Variants in MDGA2 observed in about 807,000 individuals in gnomAD.
MDGA2 encodes MAM domain containing glycosylphosphatidylinositol anchor 2.
MDGA2 carries 40 observed loss-of-function variants against 117.8 expected under a neutral mutation model. The ratio of observed to expected loss-of-function variants is 0.34; its 90% CI spans 0.26 to 0.44. MDGA2 has a LOEUF of 0.44. Among genes scored for constraint, MDGA2 ranks in the 20% least tolerant of loss-of-function variants. The probability of loss-of-function intolerance (pLI) is 1.00; values close to 1 mark genes in which losing one functional copy is unlikely to be tolerated. For missense variants in MDGA2, 1,123 were observed against 1,250.6 expected (o/e 0.90, Z 1.54); for synonymous variants, 452 against 439.0 (o/e 1.03, Z -0.37).
chr14:46,864,572 T>TTTTTTTTTTTTTTA (rs1881660333), intron 14 of MDGA2, among the ~76,000 whole-genome samples: 1 of 89,420 alleles, frequency 1.1e-5, no homozygotes, highest in Non-Finnish European at 2.3e-5. Flanking sequence ...TTTTTTTTTT[T>TTTTTTTTTTTTTTA]ACAAATTAAA....
At chr14:47,617,538 T>C (rs907013278) in intron 1 of MDGA2, among the ~76,000 whole-genome samples, 1 of 152,156 alleles carries the variant, frequency 6.6e-6, no homozygotes, top group Non-Finnish European at 1.5e-5. Context: ...CTGGTGAGCT[T>C]GCATGCTGCT....
chr14:47,342,626 A>G (rs1003662462), intron 1 of MDGA2, among the ~76,000 whole-genome samples: 23 of 152,178 alleles, frequency 1.5e-4, no homozygotes, highest in African/African-American at 5.5e-4. Context: ...TATTTTACTA[A>G]GAAGAATTCC....
At chr14:47,194,694 A>T (rs1410157458) in intron 3 of MDGA2, among the ~76,000 whole-genome samples, 1 of 152,110 alleles carries the variant, frequency 6.6e-6, no homozygotes, top group Non-Finnish European at 1.5e-5. Context: ...TCACAGAGAT[A>T]TGATGCTTTA....
intron 1 of MDGA2, among the ~76,000 whole-genome samples, chr14:47,515,409 T>C (rs1274288493): frequency 6.6e-6 from 1 of 152,210 alleles, no homozygotes; most frequent in Admixed American, 6.6e-5. Flanking sequence ...GTGTCGCATG[T>C]TGACATCACT....
chr14:47,338,814 T>G (rs1890535152), intron 1 of MDGA2, among the ~76,000 whole-genome samples: 1 of 152,120 alleles, frequency 6.6e-6, no homozygotes, highest in South Asian at 2.1e-4. Context: ...CTCTGAAATA[T>G]TTGCAAGTAT....
intron 5 of MDGA2, among the ~76,000 whole-genome samples, chr14:47,112,146 G>C (rs1047206818): frequency 6.8e-6 from 1 of 146,574 alleles, no homozygotes; most frequent in Non-Finnish European, 1.5e-5. Context: ...AGCGGGAGAG[G>C]AAAGAAAGAT....
intron 10 of MDGA2, among the ~76,000 whole-genome samples, chr14:46,893,756 T>C (rs1882972838): frequency 6.6e-6 from 1 of 152,102 alleles, no homozygotes; most frequent in Admixed American, 6.6e-5. Flanking sequence ...ATTAAAAATG[T>C]AATCATAGAG....
intron 1 of MDGA2, among the ~76,000 whole-genome samples, chr14:47,582,563 T>C (rs1434650607): frequency 6.6e-6 from 1 of 151,892 alleles, no homozygotes; most frequent in Non-Finnish European, 1.5e-5. Flanking sequence ...ATTATAATAT[T>C]TTGTATTTTC....
At chr14:47,036,270 CAAAAAA>C (rs11310113) in intron 7 of MDGA2, among the ~76,000 whole-genome samples, 44 of 74,454 alleles carry the variant, frequency 5.9e-4, no homozygotes, top group Admixed American at 3.0e-3. Context: ...ACTCTGTCTC[CAAAAAA>C]AAAAAAAAAA....
At chr14:46,846,179 G>A (rs1462035563) in intron 15 of MDGA2, among the ~76,000 whole-genome samples, 1 of 152,010 alleles carries the variant, frequency 6.6e-6, no homozygotes, top group Non-Finnish European at 1.5e-5. Flanking sequence ...TTAAGGATAA[G>A]AAAAAATGTT....
chr14:47,566,918 CT>C (rs1895930224), intron 1 of MDGA2, among the ~76,000 whole-genome samples: 1 of 139,546 alleles, frequency 7.2e-6, no homozygotes, highest in Non-Finnish European at 1.6e-5. Context: ...TTTTTTTTTT[CT>C]TTTTTTTGAG....
At chr14:47,018,876 A>G (rs1233107455) in intron 8 of MDGA2, among the ~76,000 whole-genome samples, 1 of 151,986 alleles carries the variant, frequency 6.6e-6, no homozygotes, top group Non-Finnish European at 1.5e-5. Flanking sequence ...CACACCAGAC[A>G]CATATGGCTG....
intron 5 of MDGA2, among the ~76,000 whole-genome samples, chr14:47,113,332 A>AC (rs1350537888): frequency 1.3e-5 from 2 of 151,998 alleles, no homozygotes; most frequent in Non-Finnish European, 2.9e-5. Context: ...AACAACAACA[A>AC]AAAAGGCCCA....
At chr14:47,609,430 T>TATATATATATATACATATATATAC (rs1304798211) in intron 1 of MDGA2, among the ~76,000 whole-genome samples, 1 of 57,982 alleles carries the variant, frequency 1.7e-5, no homozygotes, top group African/African-American at 7.1e-5. Flanking sequence ...TATTCCATCA[T>TATATATATATATACATATATATAC]ATATATATAT....
chr14:47,430,201 G>A (rs905401049), intron 1 of MDGA2, among the ~76,000 whole-genome samples: 1 of 151,950 alleles, frequency 6.6e-6, no homozygotes, highest in Non-Finnish European at 1.5e-5. Flanking sequence ...ATTTGTGAAA[G>A]ACCCTTTCCC....
At chr14:47,121,895 T>A (rs534979663) in intron 5 of MDGA2, among the ~76,000 whole-genome samples, 1 of 152,130 alleles carries the variant, frequency 6.6e-6, no homozygotes, top group South Asian at 2.1e-4. Context: ...AGAAATAACT[T>A]GTCAGTTAAT....
At chr14:47,207,041 C>G (rs1355382770) in intron 3 of MDGA2, among the ~76,000 whole-genome samples, 1 of 152,030 alleles carries the variant, frequency 6.6e-6, no homozygotes, top group East Asian at 1.9e-4. Context: ...GTCTCCAGTG[C>G]CCTTGAGTAA....
Position 47,049,569 on chromosome 14 carries a change from C to A in MDGA2, c.1525+11680G>T, listed in dbSNP as rs192903026. Among the ~76,000 whole-genome samples the A allele has an allele frequency of 1.0e-3, 154 of 151,766 alleles. 1 individual carries two copies. Among genetic ancestry groups the A allele is most frequent in the Non-Finnish European group, 2.0e-3 (133 of 67,900 alleles). On this transcript the variant is annotated intron_variant, in intron 7 of 16. Transcript: ENST00000399232. ...ATAATTTCGACTTTTATTTTAGACT[C>A]AAGGGGTACATATGCAGTTTTGTTA...
At chr14:47,564,010 T>C (rs1448397969) in intron 1 of MDGA2, among the ~76,000 whole-genome samples, 2 of 152,202 alleles carry the variant, frequency 1.3e-5, no homozygotes, top group Admixed American at 6.5e-5. Flanking sequence ...TCTCCACTTA[T>C]GAAGCTTAGT....
Sources: gnomAD v4.1 joint callset for allele counts (sites outside exome capture counted in the v4.1 genomes callset) on GRCh38, gnomAD v4.1.1 for gene constraint, MANE v1.5 for transcripts, NCBI Gene and HGNC (gene_info 2026-07-23, HGNC 2026-07-21) for gene names.